AGBL4: variants seen among roughly 807,000 people sequenced by gnomAD.
The protein encoded by AGBL4 is AGBL carboxypeptidase 4, also known as cytosolic carboxypeptidase 6.
AGBL4 carries 58 observed loss-of-function variants against 66.4 expected under a neutral mutation model. The ratio of observed to expected loss-of-function variants is 0.87; its 90% CI spans 0.71 to 1.09. The LOEUF (loss-of-function observed/expected upper bound fraction) is 1.09, where lower values mean the gene tolerates loss of function less well. AGBL4 is among the 50% of genes least tolerant of loss of function. The probability of loss-of-function intolerance (pLI) is 0.00; values close to 1 mark genes in which losing one functional copy is unlikely to be tolerated. For missense variants in AGBL4, 579 were observed against 631.0 expected, an observed-to-expected ratio of 0.92 and a Z score of 0.88; for synonymous variants, 234 against 222.9, an observed-to-expected ratio of 1.05 and a Z score of -0.44.
At chr1:49,641,648 A>G (rs891211664) in intron 3 of AGBL4, among the ~76,000 whole-genome samples, 2 of 152,014 alleles carry the variant, frequency 1.3e-5, no homozygotes, top group South Asian at 2.1e-4. Flanking sequence ...AAAAACTTTT[A>G]AAGAGAGTCT....
intron 10 of AGBL4, among the ~76,000 whole-genome samples, chr1:48,587,400 T>C (rs879496169): frequency 5.9e-5 from 9 of 151,724 alleles, no homozygotes; most frequent in Non-Finnish European, 1.0e-4. Flanking sequence ...GAAAAATGAA[T>C]GGAGAGAGAG....
intron 2 of AGBL4, among the ~76,000 whole-genome samples, chr1:49,848,950 G>T (rs1013132415): frequency 4.6e-5 from 7 of 152,142 alleles, no homozygotes; most frequent in Admixed American, 3.3e-4. Context: ...ATGTGACTTT[G>T]TGTATGATAC....
chr1:48,965,254 T>C (rs1195350286), intron 5 of AGBL4, among the ~76,000 whole-genome samples: 1 of 151,976 alleles, frequency 6.6e-6, no homozygotes, highest in Non-Finnish European at 1.5e-5. Context: ...AAGTCAGACA[T>C]TATGGGGCTG....
chr1:49,280,749 T>C (rs933523115), intron 3 of AGBL4, among the ~76,000 whole-genome samples: 4 of 152,214 alleles, frequency 2.6e-5, no homozygotes, highest in African/African-American at 9.7e-5. Flanking sequence ...AAAAAAATTG[T>C]TTATTGAACT....
chr1:48,784,776 T>C (rs1167827159), intron 6 of AGBL4, among the ~76,000 whole-genome samples: 1 of 152,170 alleles, frequency 6.6e-6, no homozygotes, highest in Non-Finnish European at 1.5e-5. Context: ...AAATCATTGG[T>C]CAAACAAATG....
chr1:48,648,622 A>G (rs1245476735), intron 8 of AGBL4, among the ~76,000 whole-genome samples: 2 of 152,146 alleles, frequency 1.3e-5, no homozygotes, highest in Admixed American at 1.3e-4. Context: ...CCCTGGATGT[A>G]CCCTATGGCC....
intron 3 of AGBL4, among the ~76,000 whole-genome samples, chr1:49,596,308 C>A (rs1172344264): frequency 1.3e-5 from 2 of 152,110 alleles, no homozygotes; most frequent in African/African-American, 4.8e-5. Context: ...GCTGGGGTTA[C>A]AGGCGTGCAC....
chr1:49,700,037 A>T (rs924317885), intron 2 of AGBL4, among the ~76,000 whole-genome samples: 5 of 151,698 alleles, frequency 3.3e-5, no homozygotes, highest in African/African-American at 1.2e-4. Context: ...ATAATTTTTT[A>T]AATACAAGAC....
At chr1:49,877,973 G>A (rs1647073556) in intron 1 of AGBL4, among the ~76,000 whole-genome samples, 1 of 152,040 alleles carries the variant, frequency 6.6e-6, no homozygotes, top group African/African-American at 2.4e-5. Flanking sequence ...TTCTCTGATG[G>A]TAGTTTGTAT....
intron 1 of AGBL4, among the ~76,000 whole-genome samples, chr1:49,948,017 A>ATATATATAAATATATATATTT (rs1655477546): frequency 4.5e-5 from 1 of 22,018 alleles, no homozygotes; most frequent in Admixed American, 6.5e-4. Flanking sequence ...TAAATATATA[A>ATATATATAAATATATATATTT]ATATATATAA....
intron 2 of AGBL4, among the ~76,000 whole-genome samples, chr1:49,823,443 T>C (rs535955883): frequency 5.9e-5 from 9 of 152,190 alleles, no homozygotes; most frequent in Non-Finnish European, 1.0e-4. Context: ...TACACGTTGG[T>C]TGTTCCTTGC....
intron 1 of AGBL4, among the ~76,000 whole-genome samples, chr1:50,021,358 C>T (rs555389889): frequency 6.6e-6 from 1 of 152,272 alleles, no homozygotes; most frequent in East Asian, 1.9e-4. Context: ...ATAATTATCT[C>T]TATGCCAGTT....
At chr1:49,974,183 T>C (rs937807254) in intron 1 of AGBL4, among the ~76,000 whole-genome samples, 1 of 152,160 alleles carries the variant, frequency 6.6e-6, no homozygotes, top group African/African-American at 2.4e-5. Flanking sequence ...TGCCCCATAG[T>C]ACCAGAAACA....
At chr1:49,730,521 A>G (rs1248488301) in intron 2 of AGBL4, among the ~76,000 whole-genome samples, 2 of 152,170 alleles carry the variant, frequency 1.3e-5, no homozygotes, top group African/African-American at 4.8e-5. Context: ...CTGGGGGCTC[A>G]GACCTTGGGA....
chr1:49,944,737 A>G (rs1655061922), intron 1 of AGBL4, among the ~76,000 whole-genome samples: 1 of 152,120 alleles, frequency 6.6e-6, no homozygotes, highest in Admixed American at 6.6e-5. Context: ...ATAAGAATTC[A>G]GAAGGTCAGT....
chr1:49,436,659 T>C (rs965062894), intron 3 of AGBL4, among the ~76,000 whole-genome samples: 4 of 152,182 alleles, frequency 2.6e-5, no homozygotes, highest in Non-Finnish European at 4.4e-5. Context: ...AGCAAATCTA[T>C]CTTTTGCCAA....
chr1:49,090,019 G>A (rs1188709664), intron 4 of AGBL4, among the ~76,000 whole-genome samples: 1 of 152,078 alleles, frequency 6.6e-6, no homozygotes, highest in East Asian at 1.9e-4. Flanking sequence ...TGCAGAAAAA[G>A]CTTTTGATAA....
chr1:50,007,116 CTTGT>C (rs954836145), intron 1 of AGBL4, among the ~76,000 whole-genome samples: 42 of 152,094 alleles, frequency 2.8e-4, no homozygotes, highest in Non-Finnish European at 5.7e-4. Context: ...TTTCTCTTTG[CTTGT>C]TTGTTTATGC....
intron 1 of AGBL4, among the ~76,000 whole-genome samples, chr1:50,020,162 A>G (rs192852766): frequency 5.5e-4 from 83 of 152,186 alleles, no homozygotes; most frequent in Non-Finnish European, 1.0e-3. Flanking sequence ...ACAATTCTAC[A>G]TTCTCCAAAA....
Sources: gnomAD v4.1 joint callset for allele counts (sites outside exome capture counted in the v4.1 genomes callset) on GRCh38, gnomAD v4.1.1 for gene constraint, MANE v1.5 for transcripts, NCBI Gene and HGNC (gene_info 2026-07-23, HGNC 2026-07-21) for gene names.